The following DAG1 variants were observed in gnomAD, a reference collection of about 807,000 sequenced individuals.
The protein encoded by DAG1 is dystroglycan 1 (dystrophin-associated glycoprotein 1).
Under a neutral mutation model 46.1 loss-of-function variants are expected in DAG1, and 8 were observed. The ratio of observed to expected loss-of-function variants is 0.17; its 90% CI spans 0.10 to 0.31. The LOEUF is 0.31. Among genes scored for constraint, DAG1 ranks in the 10% least tolerant of loss-of-function variants. DAG1 has a pLI of 1.00. For missense variants in DAG1, 1,003 were observed against 1,189.9 expected (o/e 0.84, Z 2.31); for synonymous variants, 495 against 481.8 (o/e 1.03, Z -0.36).
At chr3:49,486,738 G>T (rs1217016135) in intron 1 of DAG1, among the ~76,000 whole-genome samples, 2 of 151,464 alleles carry the variant, frequency 1.3e-5, no homozygotes, top group Admixed American at 6.6e-5. Flanking sequence ...CCTGACCTCG[G>T]GTGATCTGCC....
intron 1 of DAG1, among the ~76,000 whole-genome samples, chr3:49,493,707 A>T (rs1482790676): frequency 6.6e-6 from 1 of 152,172 alleles, no homozygotes; most frequent in Non-Finnish European, 1.5e-5. Flanking sequence ...TTTGCTGGGG[A>T]AGGCCAGCAA....
At chr3:49,520,424 G>A (rs3870336) in intron 2 of DAG1, among the ~76,000 whole-genome samples, 22,533 of 152,202 alleles carry the variant, frequency 0.15, 3,514 homozygotes, top group East Asian at 0.77. Context: ...TGCCTCCAGG[G>A]TGTTGTCTAT....
chr3:49,478,527 G>GTT (rs35150889), intron 1 of DAG1, among the ~76,000 whole-genome samples: 3,305 of 84,514 alleles, frequency 0.039, 19 homozygotes, highest in African/African-American at 0.048. Context: ...GAGCCCAAGA[G>GTT]TTTTTTTTTT....
chr3:49,516,935 G>A (rs1448685399), intron 2 of DAG1, among the ~76,000 whole-genome samples: 6 of 151,422 alleles, frequency 4.0e-5, no homozygotes, highest in East Asian at 1.9e-4. Flanking sequence ...GACTTATCTC[G>A]GAGCACATAG....
At chr3:49,474,758 C>A (rs997325251) in intron 1 of DAG1, among the ~76,000 whole-genome samples, 1 of 151,966 alleles carries the variant, frequency 6.6e-6, no homozygotes, top group Non-Finnish European at 1.5e-5. Context: ...GCTGGGATTA[C>A]AAGCCTGAGC....
intron 1 of DAG1, among the ~76,000 whole-genome samples, chr3:49,509,675 A>T (rs1392158748): frequency 2.0e-5 from 3 of 152,220 alleles, no homozygotes; most frequent in Non-Finnish European, 4.4e-5. Context: ...TTTTCCTGGT[A>T]GCCACATGAA....
At chr3:49,480,111 G>A (rs1185720520) in intron 1 of DAG1, among the ~76,000 whole-genome samples, 8 of 126,244 alleles carry the variant, frequency 6.3e-5, no homozygotes, top group East Asian at 2.0e-4. Flanking sequence ...CACCACACCC[G>A]GCTATTTTTT....
rs2051480928 is a variant in DAG1, at chr3:49,535,308, A to G, written c.*2109A>G. On this transcript the variant is annotated 3_prime_UTR_variant, in exon 3 of 3. Coordinates refer to ENST00000308775, the MANE Select transcript of DAG1 (RefSeq NM_004393.6). Reference sequence around the variant, plus strand: ...CCAAACAGCTCCGTCGCCCCTAGCAACTCCACCATTGGGCACTGCCATGCA... The same window carrying G: ...CCAAACAGCTCCGTCGCCCCTAGCAGCTCCACCATTGGGCACTGCCATGCA... The G allele has an allele frequency of 6.6e-6, 1 of 152,550 alleles. No homozygotes were observed. Among genetic ancestry groups the G allele is most frequent in the African/African-American group, 2.4e-5 (1 of 41,418 alleles). The allele number at this position is 152,550 out of a possible 1,614,324, so 9.4% of individuals were successfully genotyped here. A position where few individuals can be genotyped will look rare whatever the true frequency, so the allele number is the denominator to read the frequency against.
intron 1 of DAG1, among the ~76,000 whole-genome samples, chr3:49,476,612 A>T (rs2049689979): frequency 6.6e-6 from 1 of 152,176 alleles, no homozygotes; most frequent in African/African-American, 2.4e-5. Flanking sequence ...TTTAAAAAAT[A>T]CCACTGTCTA....
intron 2 of DAG1, among the ~76,000 whole-genome samples, chr3:49,515,774 G>C (rs2050882718): frequency 6.6e-6 from 1 of 152,044 alleles, no homozygotes; most frequent in Non-Finnish European, 1.5e-5. Flanking sequence ...TGGGCCCACT[G>C]GTACTGCCCT....
intron 1 of DAG1, among the ~76,000 whole-genome samples, chr3:49,477,713 G>A (rs781518925): frequency 1.3e-5 from 2 of 152,228 alleles, no homozygotes; most frequent in Non-Finnish European, 2.9e-5. Flanking sequence ...TATAATCCCA[G>A]CACTTTGGGA....
intron 2 of DAG1, among the ~76,000 whole-genome samples, chr3:49,521,073 C>G (rs766574912): frequency 1.7e-4 from 26 of 152,106 alleles, no homozygotes; most frequent in Non-Finnish European, 3.4e-4. Flanking sequence ...GCCATTTGCT[C>G]TTTCTTCAGG....
chr3:49,523,212 T>C (rs190423914), intron 2 of DAG1, among the ~76,000 whole-genome samples: 1 of 152,238 alleles, frequency 6.6e-6, no homozygotes, highest in East Asian at 1.9e-4. Flanking sequence ...ATAGTCAAAA[T>C]CCCATGTGTA....
intron 2 of DAG1, among the ~76,000 whole-genome samples, chr3:49,519,217 C>G (rs976962028): frequency 3.3e-5 from 5 of 152,212 alleles, no homozygotes; most frequent in African/African-American, 1.2e-4. Context: ...GTTCTAACCT[C>G]TCCTCGAAGG....
intron 2 of DAG1, among the ~76,000 whole-genome samples, chr3:49,524,852 C>A (rs1340883054): frequency 1.3e-5 from 2 of 151,942 alleles, no homozygotes; most frequent in Admixed American, 6.6e-5. Flanking sequence ...CGGGCACGTG[C>A]CTATGTCCCA....
intron 1 of DAG1, among the ~76,000 whole-genome samples, chr3:49,494,084 AGGGAGT>A (rs993048029): frequency 2.0e-5 from 3 of 152,152 alleles, no homozygotes; most frequent in African/African-American, 7.2e-5. Flanking sequence ...ACCTGAGCAA[AGGGAGT>A]GGGTGGTAGT....
chr3:49,498,116 A>G (rs2050361738), intron 1 of DAG1, among the ~76,000 whole-genome samples: 1 of 152,066 alleles, frequency 6.6e-6, no homozygotes, highest in Non-Finnish European at 1.5e-5. Flanking sequence ...TTTTACCTTT[A>G]AATCTCTTGC....
At chr3:49,524,773 A>G (rs1324937652) in intron 2 of DAG1, among the ~76,000 whole-genome samples, 1 of 152,044 alleles carries the variant, frequency 6.6e-6, no homozygotes, top group Non-Finnish European at 1.5e-5. Flanking sequence ...GCTTGAGCCC[A>G]GAAGTTTAAA....
At chr3:49,509,501 G>C (rs910540997) in intron 1 of DAG1, among the ~76,000 whole-genome samples, 19 of 152,162 alleles carry the variant, frequency 1.2e-4, no homozygotes, top group African/African-American at 4.6e-4. Flanking sequence ...GTTTAGGGAT[G>C]TCAGCATTTG....
Sources: gnomAD v4.1 joint callset for allele counts (sites outside exome capture counted in the v4.1 genomes callset) on GRCh38, gnomAD v4.1.1 for gene constraint, MANE v1.5 for transcripts, NCBI Gene and HGNC (gene_info 2026-07-23, HGNC 2026-07-21) for gene names.